STK39: variants seen among roughly 807,000 people sequenced by gnomAD.
STK39 encodes the protein serine/threonine kinase 39.
A neutral mutation model predicts 77.8 loss-of-function variants in STK39; 20 were observed. That is an observed-to-expected ratio of 0.26 (90% confidence interval 0.18 to 0.37). The LOEUF is 0.37. Among genes scored for constraint, STK39 ranks in the 10% least tolerant of loss-of-function variants. The probability of loss-of-function intolerance (pLI) is 1.00; values close to 1 mark genes in which losing one functional copy is unlikely to be tolerated. For synonymous variants in STK39, 246 were observed against 234.1 expected (o/e 1.05, Z -0.47); for missense variants, 479 against 656.5 (o/e 0.73, Z 2.95).
chr2:168,032,370 A>C (rs1214976841), intron 14 of STK39, among the ~76,000 whole-genome samples: 34 of 152,230 alleles, frequency 2.2e-4, no homozygotes, highest in Non-Finnish European at 2.9e-5. Context: ...TTGAATAAGC[A>C]ACACCCAGGG....
At chr2:168,040,309 T>C (rs57180672) in intron 14 of STK39, among the ~76,000 whole-genome samples, 4,210 of 152,224 alleles carry the variant, frequency 0.028, 195 homozygotes, top group African/African-American at 0.097. Context: ...CCAAAAAAAT[T>C]ACCATAGGTT....
intron 1 of STK39, among the ~76,000 whole-genome samples, chr2:168,216,936 C>T (rs549355817): frequency 5.9e-5 from 9 of 152,286 alleles, no homozygotes; most frequent in African/African-American, 1.9e-4. Flanking sequence ...TTTTTAAAAG[C>T]CAGCCCAGGA....
At chr2:168,183,493 C>T (rs535249501) in intron 1 of STK39, among the ~76,000 whole-genome samples, 9 of 152,194 alleles carry the variant, frequency 5.9e-5, no homozygotes, top group Non-Finnish European at 1.2e-4. Context: ...ATCAGCATCA[C>T]GCCTGCCAGA....
intron 14 of STK39, among the ~76,000 whole-genome samples, chr2:168,025,491 C>T (rs1277128232): frequency 6.6e-6 from 1 of 152,160 alleles, no homozygotes; most frequent in Non-Finnish European, 1.5e-5. Context: ...AGGCCACCAT[C>T]GTCTACCACA....
chr2:168,243,155 G>T (rs4668051), intron 1 of STK39, among the ~76,000 whole-genome samples: 11 of 152,130 alleles, frequency 7.2e-5, no homozygotes, highest in Middle Eastern at 3.2e-3. Flanking sequence ...GCCAGCGAAG[G>T]TACCACTGTC....
chr2:168,135,676 A>G (rs1260328959), intron 8 of STK39, among the ~76,000 whole-genome samples: 2 of 152,234 alleles, frequency 1.3e-5, no homozygotes, highest in Non-Finnish European at 2.9e-5. Flanking sequence ...CTATCTAAAA[A>G]GTAATTCAAC....
chr2:168,185,318 C>T (rs955431262), intron 1 of STK39, among the ~76,000 whole-genome samples: 3 of 152,152 alleles, frequency 2.0e-5, no homozygotes, highest in African/African-American at 2.4e-5. Flanking sequence ...TAAGTGGGCA[C>T]GGCTTTAAAT....
At chr2:168,032,844 T>C (rs1574407805) in intron 14 of STK39, among the ~76,000 whole-genome samples, 2 of 152,362 alleles carry the variant, frequency 1.3e-5, no homozygotes, top group Middle Eastern at 3.4e-3. Flanking sequence ...CTTTCCTCTA[T>C]GTCTGAGGCA....
intron 16 of STK39, among the ~76,000 whole-genome samples, chr2:167,991,047 A>G (rs575011743): frequency 1.3e-5 from 2 of 152,222 alleles, no homozygotes; most frequent in East Asian, 3.8e-4. Flanking sequence ...AATCCAGATT[A>G]CCCAGTTGGG....
chr2:167,986,578 AGAT>A (rs1683563889), intron 16 of STK39, among the ~76,000 whole-genome samples: 1 of 152,236 alleles, frequency 6.6e-6, no homozygotes, highest in South Asian at 2.1e-4. Flanking sequence ...TTTCAGCCTT[AGAT>A]ACCTGAGCAC....
chr2:167,982,615 C>T (rs561205032), intron 16 of STK39, among the ~76,000 whole-genome samples: 83 of 152,326 alleles, frequency 5.4e-4, no homozygotes, highest in African/African-American at 1.7e-3. Context: ...TACAAGGGAG[C>T]TAGACTGAGG....
intron 2 of STK39, among the ~76,000 whole-genome samples, chr2:168,170,720 C>G (rs576142882): frequency 6.6e-6 from 1 of 152,106 alleles, no homozygotes; most frequent in Non-Finnish European, 1.5e-5. Context: ...GCAAGGAAGC[C>G]GACAGTGTCA....
chr2:168,215,462 A>G (rs1204124941), intron 1 of STK39, among the ~76,000 whole-genome samples: 1 of 152,232 alleles, frequency 6.6e-6, no homozygotes, highest in Non-Finnish European at 1.5e-5. Flanking sequence ...GGGCGTTAGC[A>G]ATAAATAAGT....
At chr2:167,975,379 G>T (rs923616537) in intron 16 of STK39, among the ~76,000 whole-genome samples, 4 of 152,006 alleles carry the variant, frequency 2.6e-5, no homozygotes, top group African/African-American at 9.7e-5. Context: ...AGATGATGGG[G>T]ATGAGGAGTA....
intron 16 of STK39, among the ~76,000 whole-genome samples, chr2:168,004,623 C>G (rs1015470939): frequency 2.0e-5 from 3 of 150,816 alleles, no homozygotes; most frequent in Non-Finnish European, 4.4e-5. Flanking sequence ...GTCCCAGCTA[C>G]TTGGGAGGCT....
intron 8 of STK39, among the ~76,000 whole-genome samples, chr2:168,132,025 G>A (rs868736826): frequency 6.6e-6 from 1 of 152,140 alleles, no homozygotes; most frequent in East Asian, 1.9e-4. Context: ...GCTGCTCAAC[G>A]GCAAGAGGGG....
At chr2:168,030,085 CA>C (rs200832679) in intron 14 of STK39, among the ~76,000 whole-genome samples, 10,406 of 152,068 alleles carry the variant, frequency 0.068, 669 homozygotes, top group East Asian at 0.2. Context: ...CTAAAAAATA[CA>C]AAAAATTAGC....
At position 167,968,272 on chromosome 2, in the gene STK39, T is replaced by C. The variant is rs1692217115; in HGVS notation, c.1499-3546A>G. 4.6e-5 allele frequency among the ~76,000 whole-genome samples: 7 copies of C among 152,332 alleles called. No individual in the cohort carries two copies. The South Asian group carries it at 1.5e-3, about 32-fold the overall frequency. On this transcript the variant is annotated intron_variant, in intron 16 of 17. Coordinates refer to ENST00000355999, the MANE Select transcript of STK39 (RefSeq NM_013233.3). ...ACATACTATGCGTGTGTCTTTTTGG[T>C]AGAGCAATTTATTTTCTTTTGGATA...
intron 12 of STK39, among the ~76,000 whole-genome samples, chr2:168,074,687 T>G (rs17176969): frequency 0.018 from 2,723 of 152,332 alleles, 44 homozygotes; most frequent in Non-Finnish European, 0.023. Flanking sequence ...TGACAAGGAT[T>G]CCGTGGAGGG....
Sources: gnomAD v4.1 joint callset for allele counts (sites outside exome capture counted in the v4.1 genomes callset) on GRCh38, gnomAD v4.1.1 for gene constraint, MANE v1.5 for transcripts, NCBI Gene and HGNC (gene_info 2026-07-23, HGNC 2026-07-21) for gene names.